TNR: variants seen among roughly 807,000 people sequenced by gnomAD.
TNR encodes the protein tenascin R.
In TNR, 45 loss-of-function variants were observed where a neutral mutation model predicts 150.4. That is an observed-to-expected ratio of 0.30 (90% CI 0.24 to 0.38). The LOEUF is 0.38. TNR is among the 10% of genes least tolerant of loss of function. The pLI is 1.00. For synonymous variants in TNR, 687 were observed against 678.4 expected (o/e 1.01, Z -0.20); for missense variants, 1,544 against 1,759.1 (o/e 0.88, Z 2.19).
chr1:175,622,248 A>AT (rs1282089149), intron 1 of TNR, among the ~76,000 whole-genome samples: 1 of 152,200 alleles, frequency 6.6e-6, no homozygotes, highest in African/African-American at 2.4e-5. Context: ...ACAGGCCCTC[A>AT]TTTCCTATTG....
chr1:175,678,316 C>T (rs986949839), intron 1 of TNR, among the ~76,000 whole-genome samples: 17 of 152,184 alleles, frequency 1.1e-4, no homozygotes, highest in African/African-American at 2.7e-4. Flanking sequence ...GTGTTAAACA[C>T]GCAGGTTCCC....
Position 175,391,433 on chromosome 1 carries a change from A to G in TNR, c.1362T>C (p.Asn454=). Residue 454 remains asparagine, a synonymous_variant, in exon 7 of 23, where the codon AAT becomes AAC. Coordinates refer to ENST00000367674, the MANE Select transcript of TNR (RefSeq NM_003285.3). ...GWEISFIPKN[N]EGGVIAQVPS... The stretch of plus-strand genomic sequence containing the variant: ...GGACCTGAGCAATCACTCCCCCTTC[A>G]TTGTTCTGGACAGTGGGGAGAAGCA... 1.2e-6 allele frequency: 2 copies of G among 1,614,016 alleles called. No individual in the cohort carries two copies. The highest frequency in any genetic ancestry group is 1.7e-6 in the Non-Finnish European group (2 of 1,179,966).
chr1:175,695,717 T>C (rs1666494937), intron 1 of TNR, among the ~76,000 whole-genome samples: 1 of 151,918 alleles, frequency 6.6e-6, no homozygotes, highest in African/African-American at 2.4e-5. Flanking sequence ...TTCAGAGAAA[T>C]CTTTTTTGAC....
intron 1 of TNR, among the ~76,000 whole-genome samples, chr1:175,604,909 G>C (rs565728980): frequency 1.3e-5 from 2 of 152,318 alleles, no homozygotes; most frequent in Non-Finnish European, 2.9e-5. Flanking sequence ...ACAAGATGTA[G>C]CTCTTGGAGT....
chr1:175,552,709 T>G (rs562366116), intron 1 of TNR, among the ~76,000 whole-genome samples: 7 of 152,258 alleles, frequency 4.6e-5, no homozygotes, highest in Non-Finnish European at 8.8e-5. Flanking sequence ...TGATATTGAG[T>G]CTTTCTATTC....
intron 2 of TNR, among the ~76,000 whole-genome samples, chr1:175,502,495 C>T (rs753051502): frequency 1.3e-5 from 2 of 152,120 alleles, no homozygotes; most frequent in African/African-American, 2.4e-5. Context: ...TCTGATGGGT[C>T]ATCCTAGTTC....
rs180865741 is a variant in TNR at position 175,481,872 on chromosome 1, G to T, written c.-64+46397C>A. 5.3e-5 allele frequency among the ~76,000 whole-genome samples: 8 copies of T among 152,176 alleles called. No individual in the cohort carries two copies. The East Asian group carries it at 9.7e-4, about 18-fold the overall frequency. On this transcript the variant is annotated intron_variant, in intron 2 of 22. Coordinates refer to ENST00000367674, the MANE Select transcript of TNR (RefSeq NM_003285.3). ...ACGTCTGCCCAGAAAGCACTGTCCTGCTGCCTCCTGCTGGAAGTTGGGAAC... is the reference window on the plus strand; with the variant it reads ...ACGTCTGCCCAGAAAGCACTGTCCTTCTGCCTCCTGCTGGAAGTTGGGAAC...
intron 1 of TNR, among the ~76,000 whole-genome samples, chr1:175,715,026 C>A (rs185014467): frequency 1.7e-3 from 259 of 152,314 alleles, no homozygotes; most frequent in African/African-American, 5.6e-3. Context: ...GCCTCTAAAA[C>A]CATGCTTCTC....
chr1:175,447,208 G>A (rs1571452833), intron 2 of TNR, among the ~76,000 whole-genome samples: 1 of 152,034 alleles, frequency 6.6e-6, no homozygotes, highest in African/African-American at 2.4e-5. Flanking sequence ...ATGGAGTCAG[G>A]GGAGGAGTGG....
At chr1:175,345,287 C>T (rs939726543) in intron 18 of TNR, among the ~76,000 whole-genome samples, 1 of 152,038 alleles carries the variant, frequency 6.6e-6, no homozygotes, top group Non-Finnish European at 1.5e-5. Context: ...TTTTCTAATA[C>T]CTGCATTACC....
intron 2 of TNR, among the ~76,000 whole-genome samples, chr1:175,487,407 G>A (rs1359249638): frequency 7.9e-5 from 12 of 152,110 alleles, no homozygotes; most frequent in African/African-American, 1.9e-4. Context: ...TGGGGACCCC[G>A]GCTCTAAGGC....
At chr1:175,649,087 G>A (rs1664881680) in intron 1 of TNR, among the ~76,000 whole-genome samples, 1 of 152,168 alleles carries the variant, frequency 6.6e-6, no homozygotes, top group South Asian at 2.1e-4. Context: ...TCCCTGCTTG[G>A]AGCTGTCCAT....
chr1:175,706,876 G>T (rs1224977699), intron 1 of TNR, among the ~76,000 whole-genome samples: 3 of 152,184 alleles, frequency 2.0e-5, no homozygotes, highest in African/African-American at 7.2e-5. Flanking sequence ...TCCGCAAGAA[G>T]TTGTAGCTTT....
chr1:175,664,486 G>A (rs1386819454), intron 1 of TNR, among the ~76,000 whole-genome samples: 5 of 152,214 alleles, frequency 3.3e-5, no homozygotes, highest in African/African-American at 1.2e-4. Context: ...CAGGGAAATG[G>A]GGAGAGGGAA....
chr1:175,529,372 T>C (rs545296626), intron 1 of TNR, among the ~76,000 whole-genome samples: 5 of 152,204 alleles, frequency 3.3e-5, no homozygotes, highest in African/African-American at 7.2e-5. Flanking sequence ...GAGGACCTCA[T>C]GAAACCCTCA....
At chr1:175,702,804 A>G (rs12404438) in intron 1 of TNR, among the ~76,000 whole-genome samples, 8,936 of 152,310 alleles carry the variant, frequency 0.059, 340 homozygotes, top group East Asian at 0.17. Flanking sequence ...TTCTGGATCA[A>G]TACCAAATGA....
intron 1 of TNR, among the ~76,000 whole-genome samples, chr1:175,567,528 T>C (rs1661690935): frequency 6.6e-6 from 1 of 152,186 alleles, no homozygotes; most frequent in Admixed American, 6.5e-5. Context: ...GAGGAAATGA[T>C]GGTTGAAGCA....
intron 1 of TNR, among the ~76,000 whole-genome samples, chr1:175,573,186 G>A (rs1451876810): frequency 6.6e-6 from 1 of 152,172 alleles, no homozygotes; most frequent in Non-Finnish European, 1.5e-5. Context: ...ACACCCTCCA[G>A]CCACACTCCA....
chr1:175,705,560 G>A (rs1014370388), intron 1 of TNR, among the ~76,000 whole-genome samples: 3 of 152,056 alleles, frequency 2.0e-5, no homozygotes, highest in African/African-American at 7.2e-5. Flanking sequence ...CCAATGGTGT[G>A]TATGTGTGAT....
Sources: allele counts gnomAD v4.1 joint callset (sites outside exome capture counted in the v4.1 genomes callset), GRCh38; gene constraint gnomAD v4.1.1; transcripts MANE v1.5; gene names NCBI Gene and HGNC (gene_info 2026-07-23, HGNC 2026-07-21).